DNAJB1: variants seen among roughly 807,000 people sequenced by gnomAD.
DNAJB1 encodes dnaJ homolog subfamily B member 1.
A neutral mutation model predicts 24.0 loss-of-function variants in DNAJB1; 14 were observed. The ratio of observed to expected loss-of-function variants is 0.58; its 90% CI spans 0.39 to 0.91. The LOEUF (loss-of-function observed/expected upper bound fraction) is 0.91, where lower values mean the gene tolerates loss of function less well. DNAJB1 is among the 40% of genes least tolerant of loss of function. The probability of loss-of-function intolerance (pLI) is 0.00; values close to 1 mark genes in which losing one functional copy is unlikely to be tolerated. For missense variants in DNAJB1, 517 were observed against 458.1 expected (o/e 1.13, Z -1.17); for synonymous variants, 262 against 174.4 (o/e 1.50, Z -3.96).
At chr19:14,530,344 C>T (rs969948034), upstream of DNAJB1, 17 of 154,178 alleles carry the variant, frequency 1.1e-4, no homozygotes, top group African/African-American at 4.1e-4. Flanking sequence ...TCTTCTGACT[C>T]CTAACTTGGG....
At chr19:14,557,937 AG>A (rs1271837359) in intron 1 of DNAJB1, among the ~76,000 whole-genome samples, 1 of 150,106 alleles carries the variant, frequency 6.7e-6, no homozygotes, top group Admixed American at 6.7e-5. Flanking sequence ...TTGTATTTTT[AG>A]TAGAGATGGG....
At chr19:14,557,337 C>A (rs1040620689) in intron 1 of DNAJB1, among the ~76,000 whole-genome samples, 1 of 150,732 alleles carries the variant, frequency 6.6e-6, no homozygotes, top group Non-Finnish European at 1.5e-5. Context: ...GACGGGGTTT[C>A]ACCATGTTGG....
chr19:14,551,383 T>C (rs1237017090), upstream of DNAJB1, among the ~76,000 whole-genome samples: 1 of 152,132 alleles, frequency 6.6e-6, no homozygotes, highest in Non-Finnish European at 1.5e-5. Context: ...CCAATTATTA[T>C]ATTTTGTGTA....
upstream of DNAJB1, among the ~76,000 whole-genome samples, chr19:14,518,945 C>CT (rs2072330635): frequency 6.6e-6 from 1 of 152,236 alleles, no homozygotes; most frequent in Admixed American, 6.5e-5. Context: ...ATAAGAGAAC[C>CT]TATCAGGCCG....
chr19:14,531,511 C>G (rs1387967566), upstream of DNAJB1: 1 of 152,172 alleles, frequency 6.6e-6, no homozygotes, highest in Non-Finnish European at 1.5e-5. Context: ...CAACCTCCAC[C>G]TCCCGGGTTC....
chr19:14,529,313 T>A (rs2072518694), upstream of DNAJB1: 1 of 405,112 alleles, frequency 2.5e-6, no homozygotes, highest in Non-Finnish European at 4.7e-6. Context: ...TCGCTTACCT[T>A]GGTTTCCACA....
At chr19:14,558,578 G>T (rs1217445814) in intron 1 of DNAJB1, among the ~76,000 whole-genome samples, 1 of 152,164 alleles carries the variant, frequency 6.6e-6, no homozygotes, top group Non-Finnish European at 1.5e-5. Flanking sequence ...CAGGCCGGCA[G>T]AGCCACCAGC....
At chr19:14,560,125 C>G (rs1004132898) in exon 1 of DNAJB1, among the ~76,000 whole-genome samples, 23 of 152,216 alleles carry the variant, frequency 1.5e-4, no homozygotes, top group African/African-American at 4.3e-4. Context: ...CTCGCTACCC[C>G]CTCCTGCCGC....
chr19:14,558,476 C>G (rs535367874), intron 1 of DNAJB1, among the ~76,000 whole-genome samples: 1 of 152,284 alleles, frequency 6.6e-6, no homozygotes, highest in Admixed American at 6.5e-5. Flanking sequence ...TGACCTCGTG[C>G]TGCGACGAGT....
upstream of DNAJB1, among the ~76,000 whole-genome samples, chr19:14,518,910 G>C (rs1054228607): frequency 5.9e-5 from 9 of 152,238 alleles, no homozygotes; most frequent in African/African-American, 2.2e-4. Context: ...TAACCCAGGG[G>C]CCCCCTTCTA....
chr19:14,519,119 G>T (rs1045162702), upstream of DNAJB1, among the ~76,000 whole-genome samples: 3 of 152,190 alleles, frequency 2.0e-5, no homozygotes, highest in Non-Finnish European at 2.9e-5. Flanking sequence ...TGTAATCCCA[G>T]CATTTTGGGA....
At position 14,517,000 on chromosome 19, in the gene DNAJB1, A is replaced by T; in HGVS notation, c.258T>A (p.Asn86Lys). ...GPSGGSGGGA[N>K]GTSFSYTFHG... ...GGAATGTGTAGCTGAAAGAGGTACC[A>T]TTGGCACCACCGCCGCTACCGCCAC... The change falls in exon 2 of 3, where the codon AAT becomes AAA. Residue 86 changes from asparagine (N) to lysine (K), a missense_variant. Coordinates refer to ENST00000254322, the MANE Select transcript of DNAJB1 (RefSeq NM_006145.3). The T allele has an allele frequency of 6.2e-7, 1 of 1,608,988 alleles. No homozygotes were observed. Among genetic ancestry groups the T allele is most frequent in the Non-Finnish European group, 8.5e-7 (1 of 1,178,028 alleles).
rs71166754 is a variant in DNAJB1 at position 14,542,347 on chromosome 19, G to GTT, written c.-214+7859_-214+7860dup. On this transcript the variant is annotated intron_variant, in intron 1 of 3. Coordinates refer to the DNAJB1 transcript ENST00000676982. ...CCTCAGGGGGCCCTCATGCCATAGTGTTTTTTTTTTTTTTTTTTTTTTTTT... is the reference window on the plus strand; with the variant it reads ...CCTCAGGGGGCCCTCATGCCATAGTGTTTTTTTTTTTTTTTTTTTTTTTTTTT... Among the ~76,000 whole-genome samples the GTT allele has an allele frequency of 2.9e-3, 125 of 43,290 alleles. 22 individuals carry two copies. Among genetic ancestry groups the GTT allele is most frequent in the East Asian group, 6.9e-3 (10 of 1,454 alleles). The allele number at this position is 43,290 out of a possible 152,430, so 28.4% of individuals were successfully genotyped here. A position where few individuals can be genotyped will look rare whatever the true frequency, so the allele number is the denominator to read the frequency against.
At chr19:14,549,306 G>C (rs2073411705) in intron 1 of DNAJB1, among the ~76,000 whole-genome samples, 2 of 145,578 alleles carry the variant, frequency 1.4e-5, no homozygotes, top group African/African-American at 2.6e-5. Context: ...TCTGCCTCCC[G>C]GGTTCAAGCA....
rs1396721255 is a variant in DNAJB1, at chr19:14,515,688, G to A, written c.*252C>T. On this transcript the variant is annotated 3_prime_UTR_variant, in exon 3 of 3. Coordinates refer to ENST00000254322, the MANE Select transcript of DNAJB1 (RefSeq NM_006145.3). ...GATGTGGGCCCATCCCGGGAGGGCTGCCAGACCCAGTGGGGCAGACTGGAA... is the reference window on the plus strand; with the variant it reads ...GATGTGGGCCCATCCCGGGAGGGCTACCAGACCCAGTGGGGCAGACTGGAA... 2 of 451,944 alleles carry A rather than the reference G, an allele frequency of 4.4e-6. No homozygotes were observed. Among genetic ancestry groups the A allele is most frequent in the Non-Finnish European group, 7.8e-6 (2 of 255,618 alleles). The allele number at this position is 451,944 out of a possible 1,614,324, so 28.0% of individuals were successfully genotyped here.
At chr19:14,518,724 C>T (rs912910941), upstream of DNAJB1, among the ~76,000 whole-genome samples, 3 of 152,244 alleles carry the variant, frequency 2.0e-5, no homozygotes, top group Non-Finnish European at 2.9e-5. Flanking sequence ...TCCCGCCCTC[C>T]GCCTGGGTCA....
intron 1 of DNAJB1, chr19:14,517,270 G>C: frequency 1.9e-6 from 1 of 539,098 alleles, no homozygotes; most frequent in South Asian, 2.5e-5. Flanking sequence ...GGACTCATGC[G>C]GTTAGGTGTT....
upstream of DNAJB1, among the ~76,000 whole-genome samples, chr19:14,521,235 G>C (rs1458510013): frequency 6.6e-6 from 1 of 152,012 alleles, no homozygotes; most frequent in African/African-American, 2.4e-5. Context: ...GAGGCAGGTG[G>C]ATCACCTGAG....
At chr19:14,550,899 T>C (rs1259881141), upstream of DNAJB1, among the ~76,000 whole-genome samples, 1 of 151,964 alleles carries the variant, frequency 6.6e-6, no homozygotes, top group East Asian at 1.9e-4. Context: ...GTCGAACTCC[T>C]GACCTCAGAT....
Sources: allele counts gnomAD v4.1 joint callset (sites outside exome capture counted in the v4.1 genomes callset), GRCh38; gene constraint gnomAD v4.1.1; transcripts MANE v1.5; gene names NCBI Gene and HGNC (gene_info 2026-07-23, HGNC 2026-07-21).